TENM4: variants seen among roughly 807,000 people sequenced by gnomAD.
TENM4 encodes teneurin transmembrane protein 4, also known as teneurin-4.
In TENM4, 82 loss-of-function variants were observed where a neutral mutation model predicts 243.3. The ratio of observed to expected loss-of-function variants is 0.34; its 90% CI spans 0.28 to 0.40. The LOEUF is 0.40. TENM4 is among the 10% of genes least tolerant of loss of function. The probability of loss-of-function intolerance (pLI) is 1.00; values close to 1 mark genes in which losing one functional copy is unlikely to be tolerated. For synonymous variants in TENM4, 1,412 were observed against 1,456.3 expected, an observed-to-expected ratio of 0.97 and a Z score of 0.69; for missense variants, 3,138 against 3,673.3, an observed-to-expected ratio of 0.85 and a Z score of 3.77.
At chr11:79,188,112 A>G (rs905067923) in intron 3 of TENM4, among the ~76,000 whole-genome samples, 1 of 152,194 alleles carries the variant, frequency 6.6e-6, no homozygotes, top group Admixed American at 6.5e-5. Context: ...GGACATTTGC[A>G]CTTTCCAACC....
intron 6 of TENM4, among the ~76,000 whole-genome samples, chr11:79,050,147 C>G (rs1194783700): frequency 6.6e-6 from 1 of 152,098 alleles, no homozygotes; most frequent in Non-Finnish European, 1.5e-5. Context: ...TATGAAATGT[C>G]AGGTATTAAA....
At chr11:79,358,529 C>T (rs1220011988) in intron 1 of TENM4, among the ~76,000 whole-genome samples, 1 of 152,102 alleles carries the variant, frequency 6.6e-6, no homozygotes, top group East Asian at 1.9e-4. Context: ...TCACAGAGTA[C>T]CAAATTATGC....
intron 12 of TENM4, among the ~76,000 whole-genome samples, chr11:78,846,007 C>G (rs1858384283): frequency 6.6e-6 from 1 of 152,142 alleles, no homozygotes; most frequent in South Asian, 2.1e-4. Flanking sequence ...GCCATGGTCT[C>G]TAAGACCCTA....
rs576133259 is a variant in TENM4, at chr11:78,959,209, G to A, written c.494-55686C>T. On this transcript the variant is annotated intron_variant, in intron 6 of 33. Coordinates refer to ENST00000278550, the MANE Select transcript of TENM4 (RefSeq NM_001098816.3). ...AAAACCATGCACCAAACTGTTAAACGTAGTTATATCTCGGAGGAAGGATTA... is the reference window on the plus strand; with the variant it reads ...AAAACCATGCACCAAACTGTTAAACATAGTTATATCTCGGAGGAAGGATTA... Among the ~76,000 whole-genome samples the A allele has an allele frequency of 2.0e-5, 3 of 152,122 alleles. No individual in the cohort carries two copies. The South Asian group carries it at 6.3e-4, about 32-fold the overall frequency.
intron 1 of TENM4, among the ~76,000 whole-genome samples, chr11:79,305,342 T>G (rs528158002): frequency 6.6e-6 from 1 of 151,836 alleles, no homozygotes; most frequent in South Asian, 2.1e-4. Flanking sequence ...AGTCAGTCCT[T>G]AAGAATACTC....
chr11:79,242,202 A>G (rs1855434138), intron 2 of TENM4, among the ~76,000 whole-genome samples: 1 of 151,982 alleles, frequency 6.6e-6, no homozygotes, highest in South Asian at 2.1e-4. Flanking sequence ...TAATTTGGTA[A>G]ATAACGTTTA....
rs543193746 is a variant in TENM4 at position 78,759,073 on chromosome 11, C to A, written c.2540-2052G>T. Among the ~76,000 whole-genome samples, 33 of 152,298 alleles carry A rather than the reference C, an allele frequency of 2.2e-4. No homozygotes were observed. The South Asian group carries it at 6.8e-3, about 32-fold the overall frequency. ...CATCCTGAACTTAGAACATGGCTCA[C>A]CAACATGAAGAGCCATTCATCCTTT... On this transcript the variant is annotated intron_variant, in intron 18 of 33. Transcript: ENST00000278550.
chr11:79,053,031 A>G (rs997521177), intron 6 of TENM4, among the ~76,000 whole-genome samples: 1 of 152,204 alleles, frequency 6.6e-6, no homozygotes, highest in East Asian at 1.9e-4. Flanking sequence ...TCAGCTTTTA[A>G]TCTTTGCCTC....
At chr11:78,689,261 A>G (rs1858759992) in intron 28 of TENM4, among the ~76,000 whole-genome samples, 1 of 152,214 alleles carries the variant, frequency 6.6e-6, no homozygotes, top group South Asian at 2.1e-4. Flanking sequence ...ATTTGCAAGT[A>G]TTCAACACAT....
chr11:79,307,129 A>C (rs550769781), intron 1 of TENM4, among the ~76,000 whole-genome samples: 1 of 152,272 alleles, frequency 6.6e-6, no homozygotes, highest in Admixed American at 6.5e-5. Flanking sequence ...CCATCACAAC[A>C]ACCCTATAAA....
At chr11:79,423,535 ATTTTT>A (rs67697266) in intron 1 of TENM4, among the ~76,000 whole-genome samples, 3 of 114,128 alleles carry the variant, frequency 2.6e-5, no homozygotes, top group Non-Finnish European at 3.6e-5. Flanking sequence ...TTACAAGTGC[ATTTTT>A]TTTTTTTTTT....
intron 15 of TENM4, among the ~76,000 whole-genome samples, chr11:78,795,556 G>T (rs1857143375): frequency 6.6e-6 from 1 of 152,036 alleles, no homozygotes; most frequent in African/African-American, 2.4e-5. Flanking sequence ...AATATACTGA[G>T]CATCTACTAT....
chr11:79,247,416 CAAAAAA>C (rs34265803), intron 2 of TENM4, among the ~76,000 whole-genome samples: 1 of 81,372 alleles, frequency 1.2e-5, no homozygotes, highest in Non-Finnish European at 2.4e-5. Flanking sequence ...GACTCTGTCT[CAAAAAA>C]AAAAAAAAAA....
At chr11:78,963,532 AAC>A (rs1477946345) in intron 6 of TENM4, among the ~76,000 whole-genome samples, 1 of 152,160 alleles carries the variant, frequency 6.6e-6, no homozygotes, top group Non-Finnish European at 1.5e-5. Flanking sequence ...CAGCTTTTCA[AAC>A]AGACTGAACC....
At chr11:79,172,117 A>G (rs756589903) in intron 3 of TENM4, among the ~76,000 whole-genome samples, 1 of 152,118 alleles carries the variant, frequency 6.6e-6, no homozygotes, top group Non-Finnish European at 1.5e-5. Context: ...ACACCTGACT[A>G]ATTTTTATTT....
At chr11:78,809,191 C>A (rs766848558) in intron 14 of TENM4, among the ~76,000 whole-genome samples, 2 of 152,100 alleles carry the variant, frequency 1.3e-5, no homozygotes, top group Non-Finnish European at 2.9e-5. Flanking sequence ...ACTTAGGAAC[C>A]AGCAAAGTGA....
intron 6 of TENM4, among the ~76,000 whole-genome samples, chr11:79,000,905 C>G (rs978634354): frequency 1.3e-5 from 2 of 152,172 alleles, no homozygotes; most frequent in African/African-American, 4.8e-5. Flanking sequence ...GTGGCATATG[C>G]CTGTAGTCCC....
At chr11:79,005,199 C>A (rs1858451160) in intron 6 of TENM4, among the ~76,000 whole-genome samples, 1 of 152,062 alleles carries the variant, frequency 6.6e-6, no homozygotes, top group African/African-American at 2.4e-5. Context: ...AAGAGTTGAT[C>A]CATTCCTACT....
intron 1 of TENM4, among the ~76,000 whole-genome samples, chr11:79,338,476 C>A (rs1002752829): frequency 1.3e-5 from 2 of 152,238 alleles, no homozygotes; most frequent in African/African-American, 4.8e-5. Context: ...CTCAGCACCT[C>A]CAAGTGACCT....
Sources: gnomAD v4.1 joint callset for allele counts (sites outside exome capture counted in the v4.1 genomes callset) on GRCh38, gnomAD v4.1.1 for gene constraint, MANE v1.5 for transcripts, NCBI Gene and HGNC (gene_info 2026-07-23, HGNC 2026-07-21) for gene names.